The following VWA8 variants were observed in gnomAD, a reference collection of about 807,000 sequenced individuals.
VWA8 encodes von Willebrand factor A domain-containing protein 8.
Under a neutral mutation model 241.5 loss-of-function variants are expected in VWA8, and 221 were observed. The observed-to-expected ratio is 0.91, with a 90% CI of 0.82 to 1.02. VWA8 has a LOEUF of 1.02. Among genes scored for constraint, VWA8 ranks in the 50% least tolerant of loss-of-function variants. The pLI, the probability that VWA8 is intolerant of heterozygous loss-of-function variation, is 0.00. For synonymous variants in VWA8, 852 were observed against 827.1 expected, an observed-to-expected ratio of 1.03 and a Z score of -0.52; for missense variants, 2,322 against 2,328.7, an observed-to-expected ratio of 1.00 and a Z score of 0.06.
In VWA8 at chr13:41,721,553, T is replaced by C. The variant is rs756354915; in HGVS notation, c.2781A>G (p.Ala927=). The C allele has an allele frequency of 6.2e-7, 1 of 1,612,962 alleles. No individual in the cohort carries two copies. The change falls in exon 25 of 45, where the codon GCA becomes GCG. Residue 927 remains alanine, a synonymous_variant. Transcript: ENST00000379310. ...GTLGDIFSCH[A]VDNPKPHSEL... is the part of the protein sequence containing the mutation. ...CCGAGTGGGGTTTGGGGTTATCAACTGCATGGCAGCTAAAAATATCACCTA... is the reference window on the plus strand; with the variant it reads ...CCGAGTGGGGTTTGGGGTTATCAACCGCATGGCAGCTAAAAATATCACCTA...
intron 12 of VWA8, among the ~76,000 whole-genome samples, chr13:41,861,678 G>C (rs1005850223): frequency 3.9e-5 from 6 of 151,966 alleles, no homozygotes; most frequent in Non-Finnish European, 1.5e-5. Flanking sequence ...GCCAAATCAA[G>C]AACACAATCC....
intron 12 of VWA8, among the ~76,000 whole-genome samples, chr13:41,844,491 A>G (rs1872197149): frequency 6.6e-6 from 1 of 152,186 alleles, no homozygotes; most frequent in Non-Finnish European, 1.5e-5. Flanking sequence ...TCCTAGCCAG[A>G]GCAATCAGGC....
chr13:41,707,831 G>A (rs2045291847), intron 26 of VWA8, among the ~76,000 whole-genome samples: 1 of 151,948 alleles, frequency 6.6e-6, no homozygotes, highest in African/African-American at 2.4e-5. Flanking sequence ...TTATTCCCAA[G>A]TGCCAATTCA....
intron 24 of VWA8, among the ~76,000 whole-genome samples, chr13:41,722,438 A>T (rs2045400203): frequency 1.3e-5 from 2 of 152,180 alleles, no homozygotes; most frequent in African/African-American, 4.8e-5. Flanking sequence ...TAGCAATAAG[A>T]TCTTACTTTG....
intron 12 of VWA8, among the ~76,000 whole-genome samples, chr13:41,847,390 C>T (rs1015804874): frequency 2.6e-5 from 4 of 152,128 alleles, no homozygotes; most frequent in African/African-American, 7.2e-5. Context: ...CAAGAGGCCA[C>T]GTGAAGATCA....
chr13:41,828,429 G>T (rs1026734651), intron 14 of VWA8, among the ~76,000 whole-genome samples: 24 of 152,140 alleles, frequency 1.6e-4, no homozygotes, highest in Non-Finnish European at 3.1e-4. Context: ...TGGAAATGTA[G>T]CAAGATAGAA....
intron 16 of VWA8, among the ~76,000 whole-genome samples, chr13:41,814,671 A>G (rs1257030017): frequency 6.6e-6 from 1 of 152,200 alleles, no homozygotes; most frequent in Non-Finnish European, 1.5e-5. Flanking sequence ...GGGAAAGATC[A>G]TTCCAGGGAC....
chr13:41,766,029 C>T (rs914933676), intron 20 of VWA8, among the ~76,000 whole-genome samples: 6 of 152,074 alleles, frequency 3.9e-5, no homozygotes, highest in Non-Finnish European at 8.8e-5. Context: ...CTTTCACTAC[C>T]GGGTTAGGAG....
intron 37 of VWA8, among the ~76,000 whole-genome samples, chr13:41,663,485 C>T (rs978241301): frequency 2.6e-5 from 4 of 152,108 alleles, no homozygotes; most frequent in African/African-American, 4.8e-5. Context: ...CAGTCTCCCC[C>T]TCAAGCAATT....
chr13:41,858,794 A>C (rs542658008), intron 12 of VWA8, among the ~76,000 whole-genome samples: 1 of 152,312 alleles, frequency 6.6e-6, no homozygotes, highest in South Asian at 2.1e-4. Context: ...AAGTAAGTAA[A>C]TTCTTAGATA....
intron 44 of VWA8, among the ~76,000 whole-genome samples, chr13:41,569,139 G>A (rs9566790): frequency 0.06 from 9,030 of 151,356 alleles, 338 homozygotes; most frequent in East Asian, 0.094. Flanking sequence ...GTGTAGTATC[G>A]TATATTTGGC....
intron 1 of VWA8, among the ~76,000 whole-genome samples, chr13:41,953,368 C>G (rs565117905): frequency 1.3e-5 from 2 of 152,266 alleles, no homozygotes; most frequent in South Asian, 4.1e-4. Context: ...TTTTCTCAAC[C>G]TATCAACTGA....
Position 41,691,300 on chromosome 13 carries a change from C to A in VWA8, c.3866+20G>T, listed in dbSNP as rs1202028669. 1.9e-6 allele frequency: 3 copies of A among 1,609,560 alleles called. No homozygotes were observed. The highest frequency in any genetic ancestry group is 2.5e-6 in the Non-Finnish European group (3 of 1,177,298). On this transcript the variant is annotated intron_variant, in intron 32 of 44. Transcript: ENST00000379310. Reference sequence around the variant, plus strand: ...TTGAGCTACAACATACTCCATGATACACTATATAAAGCCACTCACTGATTT... The same window carrying A: ...TTGAGCTACAACATACTCCATGATAAACTATATAAAGCCACTCACTGATTT...
intron 2 of VWA8, among the ~76,000 whole-genome samples, chr13:41,912,885 A>C (rs1876077949): frequency 6.6e-6 from 1 of 152,174 alleles, no homozygotes; most frequent in African/African-American, 2.4e-5. Flanking sequence ...AAATTAATAC[A>C]ATTAGTTTGG....
At chr13:41,739,416 AT>A (rs2045549455) in intron 21 of VWA8, among the ~76,000 whole-genome samples, 1 of 152,200 alleles carries the variant, frequency 6.6e-6, no homozygotes, top group Non-Finnish European at 1.5e-5. Flanking sequence ...CCCAAAATAC[AT>A]CTTCACATAA....
chr13:41,744,507 A>T lies in VWA8; in HGVS notation c.2427-12352T>A, dbSNP rs533775788. Among the ~76,000 whole-genome samples the T allele has an allele frequency of 6.1e-3, 931 of 152,276 alleles. 8 individuals are homozygous for T. Among genetic ancestry groups the T allele is most frequent in the African/African-American group, 0.021 (889 of 41,550 alleles). ...ACTACTAATTTAAGCCCCTCATCCC[A>T]TCCCTTTCTGCTCATTTGTCACTGT... is the stretch of plus-strand genomic sequence containing the variant. On this transcript the variant is annotated intron_variant, in intron 21 of 44. Coordinates refer to ENST00000379310, the MANE Select transcript of VWA8 (RefSeq NM_015058.2).
chr13:41,822,949 G>C (rs1871024385), intron 14 of VWA8, among the ~76,000 whole-genome samples: 2 of 152,118 alleles, frequency 1.3e-5, no homozygotes, highest in South Asian at 4.1e-4. Context: ...TGAGAGAGGA[G>C]GGTAAAAGGG....
intron 2 of VWA8, among the ~76,000 whole-genome samples, chr13:41,945,200 G>A (rs1488286217): frequency 2.2e-4 from 34 of 151,798 alleles, no homozygotes; most frequent in Admixed American, 3.3e-4. Context: ...AGAAATCTCC[G>A]TTCAAACATT....
intron 26 of VWA8, 63 bp from the exon 27 acceptor site, chr13:41,703,474 C>A (rs1366925187): frequency 6.3e-6 from 9 of 1,418,710 alleles, no homozygotes; most frequent in Non-Finnish European, 8.9e-6. Flanking sequence ...AAAAAAATAA[C>A]ACGGCATCTA....
Sources: gnomAD v4.1 joint callset for allele counts (sites outside exome capture counted in the v4.1 genomes callset) on GRCh38, gnomAD v4.1.1 for gene constraint, MANE v1.5 for transcripts, NCBI Gene and HGNC (gene_info 2026-07-23, HGNC 2026-07-21) for gene names.